Variants in CDK13 observed in about 807,000 individuals in gnomAD.
CDK13 encodes cyclin-dependent kinase 13.
In CDK13, 40 loss-of-function variants were observed where a neutral mutation model predicts 137.6. The ratio of observed to expected loss-of-function variants is 0.29; its 90% CI spans 0.23 to 0.38. The LOEUF (loss-of-function observed/expected upper bound fraction) is 0.38, where lower values mean the gene tolerates loss of function less well. Among genes scored for constraint, CDK13 ranks in the 10% least tolerant of loss-of-function variants. The pLI, the probability that CDK13 is intolerant of heterozygous loss-of-function variation, is 1.00. For missense variants in CDK13, 1,704 were observed against 1,951.8 expected (o/e 0.87, Z 2.39); for synonymous variants, 869 against 760.1 (o/e 1.14, Z -2.36).
At chr7:39,973,912 A>C (rs1255844947) in intron 1 of CDK13, among the ~76,000 whole-genome samples, 1 of 152,192 alleles carries the variant, frequency 6.6e-6, no homozygotes, top group Admixed American at 6.5e-5. Context: ...GGATTTATTT[A>C]TGTACTCTGA....
rs1017057210 is a variant in CDK13 at position 39,951,168 on chromosome 7, G to A, written c.527G>A (p.Gly176Asp). The change falls in exon 1 of 14, where the codon GGC becomes GAC. Residue 176 changes from glycine to aspartate, a missense_variant. Transcript: ENST00000181839. ...GCGACGGCTGCCGGGGGAACGGGGG[G>A]CAGCGGCGGGAGTCCGGCCTCCTCC... Reference protein sequence around the residue: ...TAATAAGGTGGSGGSPASSSG... With the variant: ...TAATAAGGTGDSGGSPASSSG... 8.0e-7 allele frequency: 1 copy of A among 1,243,558 alleles called. No individual in the cohort carries two copies. Among genetic ancestry groups the A allele is most frequent in the Non-Finnish European group, 1.0e-6 (1 of 995,666 alleles). 77.0% of individuals were successfully genotyped at this position (1,243,558 alleles called of 1,614,324 possible). A position where few individuals can be genotyped will look rare whatever the true frequency, so the allele number is the denominator to read the frequency against.
At chr7:39,986,732 T>G (rs1190418866) in intron 1 of CDK13, 1 of 152,250 alleles carries the variant, frequency 6.6e-6, no homozygotes, top group East Asian at 1.9e-4. Flanking sequence ...TTTACTTTGT[T>G]GCATTTTCTG....
rs180732439 is a variant in CDK13, at chr7:39,994,580, C to T, written c.1872-2914C>T. On this transcript the variant is annotated intron_variant, in intron 2 of 13. Transcript: ENST00000181839. The stretch of plus-strand genomic sequence containing the variant: ...GAGTAAATTAGTGATGCGTAAATGG[C>T]TCTGCTGTTGAGCCTCAACATCAAT... Among the ~76,000 whole-genome samples, 15 of 152,230 alleles carry T rather than the reference C, an allele frequency of 9.9e-5. No homozygotes were observed. In the East Asian group the frequency reaches 2.7e-3, roughly 27 times the overall value.
Position 39,951,278 on chromosome 7 carries a change from C to T in CDK13, c.637C>T (p.His213Tyr), listed in dbSNP as rs2116060001. The change falls in exon 1 of 14, where the codon CAC (histidine) becomes TAC (tyrosine). Residue 213 changes from histidine to tyrosine, a missense_variant. By Grantham distance (83) the His-to-Tyr change is moderately conservative. Transcript: ENST00000181839. ...CAGCAGTGGCCGCAGCAAGGAGCGC[C>T]ACCGCGAGCACCGGCGGCGGGATGG... ...RSSSGRSKER[H>Y]REHRRRDGQR... The T allele has an allele frequency of 7.4e-7, 1 of 1,359,604 alleles. No individual in the cohort carries two copies. Among genetic ancestry groups the T allele is most frequent in the Non-Finnish European group, 9.4e-7 (1 of 1,065,022 alleles). The allele number at this position is 1,359,604 out of a possible 1,614,324, so 84.2% of individuals were successfully genotyped here.
At chr7:39,953,938 T>A (rs1787322357) in intron 1 of CDK13, among the ~76,000 whole-genome samples, 1 of 152,228 alleles carries the variant, frequency 6.6e-6, no homozygotes. Flanking sequence ...GGGAAACACT[T>A]GTTTTTCTGG....
At chr7:40,025,408 A>G (rs550298125) in intron 5 of CDK13, among the ~76,000 whole-genome samples, 1 of 152,224 alleles carries the variant, frequency 6.6e-6, no homozygotes, top group African/African-American at 2.4e-5. Flanking sequence ...TTTATATAAA[A>G]TTATAATTTA....
chr7:40,023,379 C>T (rs988715350), intron 5 of CDK13, among the ~76,000 whole-genome samples: 2 of 152,154 alleles, frequency 1.3e-5, no homozygotes, highest in African/African-American at 4.8e-5. Context: ...TCTGATTATA[C>T]ATTTTCATAA....
intron 9 of CDK13, chr7:40,069,765 A>T (rs1428733527): frequency 6.5e-6 from 1 of 153,050 alleles, no homozygotes; most frequent in Non-Finnish European, 1.5e-5. Context: ...ATATTTTATA[A>T]TAGAAGTAGC....
chr7:40,052,137 C>G (rs1785903592), intron 7 of CDK13, among the ~76,000 whole-genome samples: 1 of 151,882 alleles, frequency 6.6e-6, no homozygotes, highest in Non-Finnish European at 1.5e-5. Flanking sequence ...TTGAAACTAG[C>G]CTCATTTTCT....
intron 1 of CDK13, among the ~76,000 whole-genome samples, chr7:39,965,982 G>A (rs1415190390): frequency 6.6e-6 from 1 of 152,204 alleles, no homozygotes; most frequent in Non-Finnish European, 1.5e-5. Context: ...TCTGCTGAGA[G>A]ATCAGCTGTT....
At chr7:39,979,546 G>A (rs185531274) in intron 1 of CDK13, among the ~76,000 whole-genome samples, 36 of 151,988 alleles carry the variant, frequency 2.4e-4, no homozygotes, top group African/African-American at 8.4e-4. Context: ...AAGATGATAT[G>A]GTACTCTAGG....
chr7:39,997,563 T>C lies in CDK13; in HGVS notation c.1941T>C (p.Ala647=), dbSNP rs1275328062. 1.2e-6 allele frequency: 2 copies of C among 1,604,844 alleles called. No homozygotes were observed. Among genetic ancestry groups the C allele is most frequent in the African/African-American group, 1.3e-5 (1 of 74,364 alleles). ...EVEKKLRCLL[A]DLPLPPELPG... ...AAAAGAAACTCCGATGTCTTCTTGC[T>C]GATTTACCGCTGCCCCCTGAGCTAC... Residue 647 remains alanine, a synonymous_variant, in exon 3 of 14, where the codon GCT becomes GCC. Coordinates refer to ENST00000181839, the MANE Select transcript of CDK13 (RefSeq NM_003718.5).
intron 5 of CDK13, among the ~76,000 whole-genome samples, chr7:40,032,035 CT>C (rs912062761): frequency 6.6e-6 from 1 of 151,866 alleles, no homozygotes; most frequent in Non-Finnish European, 1.5e-5. Context: ...TTAGCAGTGT[CT>C]TTTGAAGAGC....
chr7:39,959,106 T>G (rs1278342389), intron 1 of CDK13, among the ~76,000 whole-genome samples: 1 of 150,722 alleles, frequency 6.6e-6, no homozygotes, highest in African/African-American at 2.4e-5. Context: ...CATTATCGTT[T>G]CATTCATTTG....
rs1712345190 is a variant in CDK13 at position 40,059,624 on chromosome 7, T to C, written c.2601-3202T>C. On this transcript the variant is annotated intron_variant, in intron 7 of 13. Transcript: ENST00000181839. The stretch of plus-strand genomic sequence containing the variant: ...CACCCACCTCGGCCTCCCAAAGTGC[T>C]GGGATTACAGGCATGAGCCACTGCA... Among the ~76,000 whole-genome samples, 4 of 152,216 alleles carry C rather than the reference T, an allele frequency of 2.6e-5. No homozygotes were observed. The South Asian group carries it at 8.3e-4, about 31-fold the overall frequency.
intron 5 of CDK13, among the ~76,000 whole-genome samples, chr7:40,036,714 A>T (rs993369384): frequency 6.6e-6 from 1 of 151,864 alleles, no homozygotes; most frequent in African/African-American, 2.4e-5. Flanking sequence ...AAAAAAAAAA[A>T]CAAAAAACTC....
intron 1 of CDK13, among the ~76,000 whole-genome samples, chr7:39,977,234 T>G (rs1784130748): frequency 6.6e-6 from 1 of 152,204 alleles, no homozygotes; most frequent in Non-Finnish European, 1.5e-5. Flanking sequence ...TGGGCAAATT[T>G]AGTACTTGAT....
intron 5 of CDK13, among the ~76,000 whole-genome samples, chr7:40,021,106 T>TACACACACACAAAC (rs778814352): frequency 1.5e-5 from 1 of 65,348 alleles, no homozygotes. Context: ...AACAAACGTA[T>TACACACACACAAAC]ATATATATAT....
chr7:40,018,372 T>C (rs773408), intron 5 of CDK13, among the ~76,000 whole-genome samples: 151,153 of 152,246 alleles, frequency 0.99, 75,042 homozygotes, highest in East Asian at 1. Context: ...TGTTCTTTAA[T>C]TCTGCAATTG....
Sources: gnomAD v4.1 joint callset for allele counts (sites outside exome capture counted in the v4.1 genomes callset) on GRCh38, gnomAD v4.1.1 for gene constraint, MANE v1.5 for transcripts, NCBI Gene and HGNC (gene_info 2026-07-23, HGNC 2026-07-21) for gene names.